The following FAM222B variants were observed in gnomAD, a reference collection of about 807,000 sequenced individuals.
FAM222B encodes the protein protein FAM222B.
A neutral mutation model predicts 38.0 loss-of-function variants in FAM222B; 12 were observed. That is an observed-to-expected ratio of 0.32 (90% CI 0.20 to 0.51). The LOEUF (loss-of-function observed/expected upper bound fraction) is 0.51, where lower values mean the gene tolerates loss of function less well. FAM222B is among the 20% of genes least tolerant of loss of function. FAM222B has a pLI of 0.97. For synonymous variants in FAM222B, 329 were observed against 317.2 expected (o/e 1.04, Z -0.40); for missense variants, 716 against 754.2 (o/e 0.95, Z 0.59).
intron 1 of FAM222B, among the ~76,000 whole-genome samples, chr17:28,835,903 G>A (rs1297963428): frequency 6.6e-6 from 1 of 151,784 alleles, no homozygotes; most frequent in Non-Finnish European, 1.5e-5. Context: ...TGGAACTCCT[G>A]GGCTCAGGTG....
intron 2 of FAM222B, among the ~76,000 whole-genome samples, chr17:28,760,441 T>C (rs190697937): frequency 2.0e-5 from 3 of 152,170 alleles, no homozygotes; most frequent in African/African-American, 7.2e-5. Flanking sequence ...CCAGGCGTGA[T>C]GGCAAGCACC....
chr17:28,797,802 C>G (rs995648612), intron 1 of FAM222B, among the ~76,000 whole-genome samples: 1 of 152,122 alleles, frequency 6.6e-6, no homozygotes, highest in Non-Finnish European at 1.5e-5. Context: ...ACGGATCATG[C>G]CTGTAATCCC....
In FAM222B at chr17:28,766,600, G is replaced by C; in HGVS notation, c.68C>G (p.Thr23Ser). The C allele has an allele frequency of 8.7e-6, 14 of 1,601,952 alleles. No homozygotes were observed. Among genetic ancestry groups the C allele is most frequent in the Non-Finnish European group, 1.1e-5 (13 of 1,174,074 alleles). ...FQLLSHTQMN[T>S]GLQKWDTTQK... ...AGATTACTTACATTTCTGAAGTCCA[G>C]TGTTCATCTGCGTGTGAGAAAGAAG... Residue 23 changes from threonine (T) to serine (S), a missense_variant, in exon 2 of 3, where the codon ACT becomes AGT. Physicochemically the swap from Thr to Ser is moderately conservative, Grantham distance 58. Transcript: ENST00000581407.
chr17:28,827,535 C>T (rs2038487853), intron 1 of FAM222B, among the ~76,000 whole-genome samples: 1 of 152,042 alleles, frequency 6.6e-6, no homozygotes, highest in South Asian at 2.1e-4. Flanking sequence ...GTAATGTTAG[C>T]AGGATAGTAA....
chr17:28,841,536 G>C (rs1439521627), intron 1 of FAM222B, among the ~76,000 whole-genome samples: 1 of 151,920 alleles, frequency 6.6e-6, no homozygotes, highest in Non-Finnish European at 1.5e-5. Flanking sequence ...CACCACACCC[G>C]GCTGATTTTT....
intron 1 of FAM222B, among the ~76,000 whole-genome samples, chr17:28,782,259 T>C (rs2036197504): frequency 1.3e-5 from 2 of 152,020 alleles, no homozygotes; most frequent in African/African-American, 2.4e-5. Flanking sequence ...GAGCTCGAGG[T>C]TGCAGTGAGT....
At chr17:28,821,521 T>TCA (rs1441196062) in intron 1 of FAM222B, among the ~76,000 whole-genome samples, 4 of 152,212 alleles carry the variant, frequency 2.6e-5, no homozygotes, top group Non-Finnish European at 4.4e-5. Context: ...AAAACTGATG[T>TCA]ACTTTAAGAA....
chr17:28,790,862 C>G (rs942930746), intron 1 of FAM222B, among the ~76,000 whole-genome samples: 4 of 74,354 alleles, frequency 5.4e-5, no homozygotes, highest in Middle Eastern at 8.3e-3. Flanking sequence ...TACAACTGTT[C>G]TATATATTTC....
At chr17:28,831,117 C>T (rs1423104224) in intron 1 of FAM222B, among the ~76,000 whole-genome samples, 1 of 151,660 alleles carries the variant, frequency 6.6e-6, no homozygotes, top group East Asian at 1.9e-4. Context: ...GCCTCAGCCT[C>T]CTGAGTAGCT....
chr17:28,784,156 C>T (rs1219844615), intron 1 of FAM222B, among the ~76,000 whole-genome samples: 1 of 151,954 alleles, frequency 6.6e-6, no homozygotes, highest in African/African-American at 2.4e-5. Flanking sequence ...GCTTAGGTGC[C>T]TGATACACAG....
Position 28,756,735 on chromosome 17 carries a change from TTTTC to T in FAM222B, c.*1531_*1534del, listed in dbSNP as rs2034715808. 6.6e-6 allele frequency: 1 copy of T among 152,534 alleles called. No homozygotes were observed. The highest frequency in any genetic ancestry group is 2.1e-4 in the South Asian group (1 of 4,824). 9.4% of individuals were successfully genotyped at this position (152,534 alleles called of 1,614,324 possible). A position where few individuals can be genotyped will look rare whatever the true frequency, so the allele number is the denominator to read the frequency against. ...GCATAACACAATCAGGCTTTTTTTT[TTTTC>T]TTTTTCCTTTTAAATATAAGGCAAC... On this transcript the variant is annotated 3_prime_UTR_variant, in exon 3 of 3. Coordinates refer to ENST00000581407, the MANE Select transcript of FAM222B (RefSeq NM_001077498.3).
Position 28,758,449 on chromosome 17 carries a change from C to G in FAM222B, c.1510G>C (p.Val504Leu), listed in dbSNP as rs369233652. The part of the protein sequence containing the change: ...HYRAGTGGGP[V>L]ASQNSLMQTV... Reference sequence around the variant, plus strand: ...TGCATCAAGCTGTTCTGGCTTGCCACTGGACCGCCCCCGGTCCCTGCTCGG... The same window carrying G: ...TGCATCAAGCTGTTCTGGCTTGCCAGTGGACCGCCCCCGGTCCCTGCTCGG... The change falls in exon 3 of 3, where the codon GTG becomes CTG. Residue 504 changes from valine to leucine, a missense_variant. Transcript: ENST00000581407. The G allele has an allele frequency of 5.6e-6, 9 of 1,613,704 alleles. No homozygotes were observed. The highest frequency in any genetic ancestry group is 6.8e-6 in the Non-Finnish European group (8 of 1,179,824).
At chr17:28,838,440 C>T (rs1486589032) in intron 1 of FAM222B, among the ~76,000 whole-genome samples, 1 of 150,442 alleles carries the variant, frequency 6.6e-6, no homozygotes, top group South Asian at 2.1e-4. Context: ...ATTAGCCGGG[C>T]GTGGTGACGG....
chr17:28,854,944 A>G, intron 1 of FAM222B: 2 of 1,439,836 alleles, frequency 1.4e-6, no homozygotes, highest in South Asian at 1.4e-5. Flanking sequence ...ATTTGGGCAG[A>G]CCTACCTCTC....
In FAM222B at chr17:28,758,402, C is replaced by A; in HGVS notation, c.1557G>T (p.Gly519=). The A allele has an allele frequency of 1.1e-5, 18 of 1,613,846 alleles. No homozygotes were observed. The highest frequency in any genetic ancestry group is 1.5e-5 in the Non-Finnish European group (18 of 1,179,846). ...SLMQTVDYLS[G]DFQQACFREQ... Reference sequence around the variant, plus strand: ...CTCGGAAGCAGGCCTGTTGGAAATCCCCACTTAGGTAATCCACTGTTTGCA... The same window carrying A: ...CTCGGAAGCAGGCCTGTTGGAAATCACCACTTAGGTAATCCACTGTTTGCA... Residue 519 remains glycine (G), a synonymous_variant, in exon 3 of 3, where the codon GGG becomes GGT. Transcript: ENST00000581407.
At chr17:28,778,397 T>G (rs975368542) in intron 1 of FAM222B, among the ~76,000 whole-genome samples, 30 of 151,958 alleles carry the variant, frequency 2.0e-4, no homozygotes, top group African/African-American at 6.5e-4. Context: ...GTTTCCTGCT[T>G]CGTTCATGTC....
chr17:28,789,431 G>A (rs571768450), intron 1 of FAM222B, among the ~76,000 whole-genome samples: 1 of 151,878 alleles, frequency 6.6e-6, no homozygotes, highest in East Asian at 1.9e-4. Context: ...ACTCCTGAAC[G>A]ATCCACCTGC....
chr17:28,838,122 C>T (rs1019602778), intron 1 of FAM222B, among the ~76,000 whole-genome samples: 4 of 151,972 alleles, frequency 2.6e-5, no homozygotes, highest in African/African-American at 4.8e-5. Context: ...AAAAATTATC[C>T]GGGCAGTAGT....
chr17:28,831,236 C>T (rs2152611653), intron 1 of FAM222B, among the ~76,000 whole-genome samples: 1 of 152,124 alleles, frequency 6.6e-6, no homozygotes, highest in African/African-American at 2.4e-5. Context: ...CTCAAGTGAT[C>T]CCCCACCTCG....
Sources: gnomAD v4.1 joint callset for allele counts (sites outside exome capture counted in the v4.1 genomes callset) on GRCh38, gnomAD v4.1.1 for gene constraint, MANE v1.5 for transcripts, NCBI Gene and HGNC (gene_info 2026-07-23, HGNC 2026-07-21) for gene names.